Variants in NAT1 observed in about 807,000 individuals in gnomAD.
The protein encoded by NAT1 is arylamine N-acetyltransferase 1.
For missense variants in NAT1, 400 were observed against 339.2 expected (o/e 1.18, Z -1.41); for synonymous variants, 144 against 122.6 (o/e 1.17, Z -1.16).
intron 2 of NAT1, among the ~76,000 whole-genome samples, chr8:18,184,497 C>CT (rs1305275369): frequency 6.6e-6 from 1 of 152,154 alleles, no homozygotes; most frequent in Non-Finnish European, 1.5e-5. Context: ...ACTTGGCTTT[C>CT]TTTTATCCAT....
chr8:18,216,449 C>G (rs1011175606), intron 1 of NAT1, among the ~76,000 whole-genome samples: 2 of 152,178 alleles, frequency 1.3e-5, no homozygotes, highest in South Asian at 4.1e-4. Flanking sequence ...ATCAATTTGG[C>G]TGCTTGAACC....
chr8:18,217,771 C>A (rs984670717), intron 1 of NAT1, among the ~76,000 whole-genome samples: 5 of 152,182 alleles, frequency 3.3e-5, no homozygotes, highest in Admixed American at 2.0e-4. Context: ...TTATTGCCCT[C>A]AAGTCCTGCA....
At chr8:18,194,885 C>A (rs751747123) in intron 2 of NAT1, among the ~76,000 whole-genome samples, 7 of 151,300 alleles carry the variant, frequency 4.6e-5, no homozygotes, top group Non-Finnish European at 8.8e-5. Context: ...TTGTTGGATT[C>A]ATCGTCTTCT....
At chr8:18,187,319 T>G (rs566112736) in intron 2 of NAT1, among the ~76,000 whole-genome samples, 1 of 152,112 alleles carries the variant, frequency 6.6e-6, no homozygotes, top group Non-Finnish European at 1.5e-5. Flanking sequence ...AAACAGCATT[T>G]CCATTGACCC....
chr8:18,195,148 G>A (rs1303195803), intron 2 of NAT1, among the ~76,000 whole-genome samples: 3 of 152,184 alleles, frequency 2.0e-5, no homozygotes, highest in Non-Finnish European at 4.4e-5. Flanking sequence ...AGCATCCCGT[G>A]AACATGGAGG....
At chr8:18,180,976 T>C (rs912595764) in intron 2 of NAT1, among the ~76,000 whole-genome samples, 19 of 152,140 alleles carry the variant, frequency 1.2e-4, no homozygotes, top group African/African-American at 3.9e-4. Context: ...TGGATTGCTT[T>C]AGCTATTCAG....
chr8:18,187,945 A>G (rs1802812101), intron 2 of NAT1, among the ~76,000 whole-genome samples: 1 of 140,724 alleles, frequency 7.1e-6, no homozygotes, highest in East Asian at 2.0e-4. Flanking sequence ...AAACACACAC[A>G]CACACACACA....
At chr8:18,175,321 C>G (rs1002115600) in intron 2 of NAT1, among the ~76,000 whole-genome samples, 5 of 152,044 alleles carry the variant, frequency 3.3e-5, no homozygotes, top group Non-Finnish European at 7.4e-5. Context: ...TTCCTCCAGT[C>G]TAACAGAGAC....
chr8:18,192,993 T>G (rs1803066112), intron 2 of NAT1, among the ~76,000 whole-genome samples: 1 of 146,958 alleles, frequency 6.8e-6, no homozygotes, highest in South Asian at 2.2e-4. Context: ...AGTATAATAA[T>G]AATAAAAAAT....
At chr8:18,186,974 A>T (rs1030121690) in intron 2 of NAT1, among the ~76,000 whole-genome samples, 1 of 152,208 alleles carries the variant, frequency 6.6e-6, no homozygotes. Flanking sequence ...GAAATCTGGC[A>T]AAAAGTAAGC....
Position 18,183,414 on chromosome 8 carries a change from T to C in NAT1, n.92+12675T>C, listed in dbSNP as rs74906765. On this transcript the variant is annotated intron_variant and non_coding_transcript_variant, in intron 2 of 4. Transcript: ENST00000517441. ...ATAAAATACATTAATTCTTTCTCAATAGTCCCGGTAAGTCCAAAGTCCAGA... is the reference window on the plus strand; with the variant it reads ...ATAAAATACATTAATTCTTTCTCAACAGTCCCGGTAAGTCCAAAGTCCAGA... 9.1e-3 allele frequency among the ~76,000 whole-genome samples: 1,392 copies of C among 152,266 alleles called. 25 individuals are homozygous for C. The highest frequency in any genetic ancestry group is 0.032 in the African/African-American group (1,327 of 41,548).
upstream of NAT1, among the ~76,000 whole-genome samples, chr8:18,208,919 C>A (rs1006352456): frequency 3.3e-5 from 5 of 152,222 alleles, no homozygotes; most frequent in Non-Finnish European, 7.3e-5. Context: ...CAAAGATTTG[C>A]ATTCAGGTAG....
chr8:18,187,187 C>T (rs1298424375), intron 2 of NAT1, among the ~76,000 whole-genome samples: 2 of 152,090 alleles, frequency 1.3e-5, no homozygotes, highest in East Asian at 3.9e-4. Flanking sequence ...ATTATTAAAA[C>T]ATTAAAAAAT....
chr8:18,208,340 T>G (rs1463600663), upstream of NAT1, among the ~76,000 whole-genome samples: 1 of 152,060 alleles, frequency 6.6e-6, no homozygotes, highest in Non-Finnish European at 1.5e-5. Context: ...AAGGAAAAAG[T>G]AAAATTTTTT....
chr8:18,192,082 C>A (rs1214672319), intron 2 of NAT1, among the ~76,000 whole-genome samples: 1 of 151,272 alleles, frequency 6.6e-6, no homozygotes, highest in Non-Finnish European at 1.5e-5. Flanking sequence ...ATTTTCGCAA[C>A]CTACTCATCT....
intron 1 of NAT1, 130 bp from the exon 2 acceptor site, chr8:18,219,281 A>C: frequency 1.6e-6 from 1 of 626,770 alleles, no homozygotes; most frequent in South Asian, 2.0e-5. Context: ...TGTTCACTTT[A>C]CTGTGCAGTC....
At chr8:18,193,619 C>T (rs1803109957) in intron 2 of NAT1, among the ~76,000 whole-genome samples, 1 of 143,426 alleles carries the variant, frequency 7.0e-6, no homozygotes, top group African/African-American at 2.6e-5. Flanking sequence ...AATAATGCTA[C>T]CTGTAAACCT....
intron 2 of NAT1, among the ~76,000 whole-genome samples, chr8:18,220,780 CCT>C (rs1347948781): frequency 6.6e-6 from 1 of 152,162 alleles, no homozygotes; most frequent in East Asian, 1.9e-4. Context: ...CCAGCTTCTA[CCT>C]TGTAGCAGAA....
chr8:18,222,842 A>T lies in NAT1; in HGVS notation c.795A>T (p.Lys265Asn). ...FKTLSEEEIEKVLKNIFNISL... is the reference protein window; with the variant it reads ...FKTLSEEEIENVLKNIFNISL... ...CTCTGAGTGAGGAAGAAATAGAAAA[A>T]GTGCTGAAAAATATATTTAATATTT... The change falls in exon 3 of 3, where the codon AAA (lysine) becomes AAT (asparagine). Residue 265 changes from lysine (K) to asparagine (N), a missense_variant. Coordinates refer to ENST00000307719, the MANE Select transcript of NAT1 (RefSeq NM_000662.8). The T allele has an allele frequency of 6.2e-7, 1 of 1,603,226 alleles. No homozygotes were observed. Among genetic ancestry groups the T allele is most frequent in the Non-Finnish European group, 8.5e-7 (1 of 1,177,044 alleles).
Sources: allele counts gnomAD v4.1 joint callset (sites outside exome capture counted in the v4.1 genomes callset), GRCh38; gene constraint gnomAD v4.1.1; transcripts MANE v1.5; gene names NCBI Gene and HGNC (gene_info 2026-07-23, HGNC 2026-07-21).